The following MYOT variants were observed in gnomAD, a reference collection of about 807,000 sequenced individuals.
The protein encoded by MYOT is myotilin.
In MYOT, 36 loss-of-function variants were observed where a neutral mutation model predicts 58.0. The observed-to-expected ratio is 0.62, with a 90% CI of 0.48 to 0.82. The LOEUF (loss-of-function observed/expected upper bound fraction) is 0.82, where lower values mean the gene tolerates loss of function less well. Among genes scored for constraint, MYOT ranks in the 40% least tolerant of loss-of-function variants. The pLI is 0.00. For missense variants in MYOT, 505 were observed against 592.1 expected (o/e 0.85, Z 1.53); for synonymous variants, 218 against 204.6 (o/e 1.07, Z -0.56).
intron 6 of MYOT, 80 bp downstream of exon 6, chr5:137,882,185 A>G (rs1192925497): frequency 1.1e-5 from 16 of 1,492,100 alleles, no homozygotes; most frequent in Non-Finnish European, 1.4e-5. Context: ...TTCCTACTTC[A>G]TAGCTTGCAA....
chr5:137,880,951 A>T, intron 5 of MYOT, 86 bp downstream of exon 5: 1 of 985,366 alleles, frequency 1.0e-6, no homozygotes, highest in Non-Finnish European at 1.6e-6. Context: ...AAAGCCCTCG[A>T]GCCTACTCTA....
chr5:137,878,764 A>G (rs1413735704), intron 4 of MYOT, among the ~76,000 whole-genome samples: 1 of 152,128 alleles, frequency 6.6e-6, no homozygotes, highest in African/African-American at 2.4e-5. Flanking sequence ...TGGAGGTTGC[A>G]GTGAGCCAAA....
chr5:137,870,484 G>A lies in MYOT; in HGVS notation c.-168G>A. The A allele has an allele frequency of 1.4e-6, 1 of 689,738 alleles. No homozygotes were observed. 42.7% of individuals were successfully genotyped at this position (689,738 alleles called of 1,614,324 possible). A position where few individuals can be genotyped will look rare whatever the true frequency, so the allele number is the denominator to read the frequency against. ...GAAGGTCACTCTACCAAAGCCAGGA[G>A]CACAGTATTCTCAGGATCTCAACAA... On this transcript the variant is annotated 5_prime_UTR_variant, in exon 2 of 10. Coordinates refer to ENST00000239926, the MANE Select transcript of MYOT (RefSeq NM_006790.3).
chr5:137,887,235 A>G lies in MYOT; in HGVS notation c.1347A>G (p.Pro449=). ...DVTARPNQTL[P]APKQLRVRPT... ...CAGCACGTCCAAACCAAACTCTTCCAGCTCCTAAGCAGTTACGGGTTCGAC... is the reference window on the plus strand; with the variant it reads ...CAGCACGTCCAAACCAAACTCTTCCGGCTCCTAAGCAGTTACGGGTTCGAC... Residue 449 remains proline, a synonymous_variant, in exon 10 of 10, where the codon CCA becomes CCG. Transcript: ENST00000239926. 1 of 1,614,098 alleles carries G rather than the reference A, an allele frequency of 6.2e-7. No homozygotes were observed. Among genetic ancestry groups the G allele is most frequent in the South Asian group, 1.1e-5 (1 of 91,084 alleles).
chr5:137,881,472 C>G (rs1399444870), intron 5 of MYOT, among the ~76,000 whole-genome samples: 1 of 152,116 alleles, frequency 6.6e-6, no homozygotes, highest in Non-Finnish European at 1.5e-5. Flanking sequence ...CAAGACCAGG[C>G]TGACCAACAT....
intron 7 of MYOT, among the ~76,000 whole-genome samples, chr5:137,884,716 A>T (rs529743480): frequency 1.3e-5 from 2 of 150,240 alleles, no homozygotes; most frequent in East Asian, 1.9e-4. Context: ...ATTCTAAAAT[A>T]AAAAAAAAAT....
At chr5:137,868,474 C>T (rs1382134347) in intron 1 of MYOT, among the ~76,000 whole-genome samples, 3 of 152,038 alleles carry the variant, frequency 2.0e-5, no homozygotes, top group South Asian at 4.2e-4. Flanking sequence ...GGATCACCTG[C>T]GTAAATGTCT....
intron 3 of MYOT, among the ~76,000 whole-genome samples, chr5:137,876,542 A>G (rs1448324446): frequency 6.6e-6 from 1 of 152,218 alleles, no homozygotes; most frequent in East Asian, 1.9e-4. Context: ...GCAGTGGCTC[A>G]CGTCTGTAAT....
At chr5:137,870,153 GA>G (rs1561657029) in intron 1 of MYOT, among the ~76,000 whole-genome samples, 1 of 148,514 alleles carries the variant, frequency 6.7e-6, no homozygotes, top group African/African-American at 2.5e-5. Context: ...AAGAAAGAAA[GA>G]AAAAAAGAAA....
chr5:137,885,167 TC>T, intron 7 of MYOT, among the ~76,000 whole-genome samples: 2 of 152,326 alleles, frequency 1.3e-5, no homozygotes, highest in Middle Eastern at 3.4e-3. Flanking sequence ...GTTTCCTGTC[TC>T]CCCTCAGGTA....
Position 137,886,135 on chromosome 5 carries a change from A to G in MYOT, c.1112A>G (p.Gln371Arg). ...LEGDSVKLEC[Q>R]ISAIPPPKLF... ...GGAGATTCAGTGAAACTAGAATGCC[A>G]GATCTCGGCTATACCTCCACCAAAG... The change falls in exon 8 of 10, where the codon CAG becomes CGG. Residue 371 changes from glutamine to arginine, a missense_variant. Transcript: ENST00000239926. 6.2e-7 allele frequency: 1 copy of G among 1,612,082 alleles called. No homozygotes were observed. The highest frequency in any genetic ancestry group is 1.3e-5 in the African/African-American group (1 of 75,002).
At chr5:137,878,577 C>G (rs1239440609) in intron 4 of MYOT, among the ~76,000 whole-genome samples, 1 of 152,110 alleles carries the variant, frequency 6.6e-6, no homozygotes, top group East Asian at 1.9e-4. Context: ...GTAATCCCAG[C>G]ACTTTGGGAG....
Position 137,882,013 on chromosome 5 carries a change from G to A in MYOT, c.724G>A (p.Ala242Thr), listed in dbSNP as rs1280397301. 2 of 1,614,044 alleles carry A rather than the reference G, an allele frequency of 1.2e-6. No homozygotes were observed. Among genetic ancestry groups the A allele is most frequent in the East Asian group, 2.2e-5 (1 of 44,874 alleles). Residue 242 changes from alanine (A) to threonine (T), a missense_variant, in exon 6 of 10, where the codon GCA (alanine) becomes ACA (threonine). Transcript: ENST00000239926. ...TSRGDVNDQD[A>T]IQEKFYPPRF... ...AAGGGGAGATGTGAATGATCAGGATGCAATCCAGGAGAAATTTTACCCACC... is the reference window on the plus strand; with the variant it reads ...AAGGGGAGATGTGAATGATCAGGATACAATCCAGGAGAAATTTTACCCACC...
At chr5:137,886,727 A>G in intron 8 of MYOT, 137 bp from the exon 9 acceptor site, 1 of 721,350 alleles carries the variant, frequency 1.4e-6, no homozygotes, top group African/African-American at 1.8e-5. Flanking sequence ...AAGAAAACCA[A>G]TAGCTATTTG....
intron 4 of MYOT, among the ~76,000 whole-genome samples, chr5:137,879,815 C>T (rs778780939): frequency 6.6e-5 from 10 of 151,388 alleles, no homozygotes; most frequent in African/African-American, 9.7e-5. Context: ...GGATTACAGG[C>T]GTGAGCCACT....
At chr5:137,871,083 G>A (rs1580847963) in intron 2 of MYOT, 76 bp downstream of exon 2, 1 of 1,237,460 alleles carries the variant, frequency 8.1e-7, no homozygotes, top group East Asian at 2.5e-5. Flanking sequence ...GAGTTTTGGG[G>A]GTATGCTGCA....
At chr5:137,883,723 A>AT (rs1357935612) in intron 7 of MYOT, 132 bp downstream of exon 7, 1 of 769,838 alleles carries the variant, frequency 1.3e-6, no homozygotes, top group Non-Finnish European at 2.2e-6. Flanking sequence ...TGGAATGTCC[A>AT]TTTTTATCTA....
At chr5:137,875,795 CT>C (rs757349491) in intron 2 of MYOT, 33 bp from the exon 3 acceptor site, 1 of 1,611,600 alleles carries the variant, frequency 6.2e-7, no homozygotes, top group African/African-American at 1.3e-5. Flanking sequence ...CCAAGACCTT[CT>C]TTTTAAAAAT....
At chr5:137,886,000 CCTT>C in intron 7 of MYOT, 45 bp from the exon 8 acceptor site, 1 of 1,288,912 alleles carries the variant, frequency 7.8e-7, no homozygotes, top group Non-Finnish European at 1.1e-6. Flanking sequence ...TGATTTAATA[CCTT>C]TTTTATAATA....
Sources: gnomAD v4.1 joint callset for allele counts (sites outside exome capture counted in the v4.1 genomes callset) on GRCh38, gnomAD v4.1.1 for gene constraint, MANE v1.5 for transcripts, NCBI Gene and HGNC (gene_info 2026-07-23, HGNC 2026-07-21) for gene names.